The following MKX variants were observed in gnomAD, a reference collection of about 807,000 sequenced individuals.
MKX encodes the protein mohawk homeobox.
In MKX, 13 loss-of-function variants were observed where a neutral mutation model predicts 36.0. That is an observed-to-expected ratio of 0.36 (90% CI 0.24 to 0.57). MKX has a LOEUF of 0.57. Among genes scored for constraint, MKX ranks in the 20% least tolerant of loss-of-function variants. The probability of loss-of-function intolerance (pLI) is 0.79; values close to 1 mark genes in which losing one functional copy is unlikely to be tolerated. For synonymous variants in MKX, 176 were observed against 178.3 expected, an observed-to-expected ratio of 0.99 and a Z score of 0.10; for missense variants, 458 against 456.4, an observed-to-expected ratio of 1.00 and a Z score of -0.03.
intron 5 of MKX, among the ~76,000 whole-genome samples, chr10:27,697,654 C>A (rs1217223195): frequency 6.6e-6 from 1 of 152,180 alleles, no homozygotes; most frequent in African/African-American, 2.4e-5. Context: ...TTTACTTATT[C>A]ACAGGTTCAT....
chr10:27,713,267 G>T (rs565157648), intron 5 of MKX, among the ~76,000 whole-genome samples: 1 of 152,178 alleles, frequency 6.6e-6, no homozygotes, highest in Non-Finnish European at 1.5e-5. Context: ...TAGATCAAAA[G>T]GATCAGAGAT....
chr10:27,722,620 A>G (rs1280990762), intron 5 of MKX, among the ~76,000 whole-genome samples: 1 of 152,190 alleles, frequency 6.6e-6, no homozygotes, highest in Non-Finnish European at 1.5e-5. Context: ...TCCACATTAT[A>G]GCTTCCTGTG....
chr10:27,714,072 A>C (rs529211877), intron 5 of MKX, among the ~76,000 whole-genome samples: 5 of 151,670 alleles, frequency 3.3e-5, no homozygotes, highest in Admixed American at 2.6e-4. Context: ...CAGGCATGAC[A>C]TTTGATCTGA....
intron 5 of MKX, among the ~76,000 whole-genome samples, chr10:27,698,151 G>A (rs541956670): frequency 6.6e-6 from 1 of 152,278 alleles, no homozygotes; most frequent in African/African-American, 2.4e-5. Context: ...TTTTGTTTGA[G>A]CTGAAATAAA....
In MKX at chr10:27,705,818, C is replaced by A. The variant is rs1836738163; in HGVS notation, c.838+28638G>T. 2.0e-5 allele frequency among the ~76,000 whole-genome samples: 3 copies of A among 152,126 alleles called. No homozygotes were observed. In the South Asian group the frequency reaches 6.2e-4, roughly 32 times the overall value. On this transcript the variant is annotated intron_variant, in intron 5 of 6. Coordinates refer to ENST00000419761, the MANE Select transcript of MKX (RefSeq NM_173576.3). Reference sequence around the variant, plus strand: ...ACAAATAATTCTAGCCTATTAGCAGCCTGTATGATCTGAAATCGTTTTGAT... The same window carrying A: ...ACAAATAATTCTAGCCTATTAGCAGACTGTATGATCTGAAATCGTTTTGAT...
In MKX at chr10:27,674,569, T is replaced by A. The variant is rs1466680381; in HGVS notation, c.*660A>T. On this transcript the variant is annotated 3_prime_UTR_variant, in exon 7 of 7. Transcript: ENST00000419761. Reference sequence around the variant, plus strand: ...TGAAAAAAAGTTTTCCTGGTCACCATGTGTTCAATGAAATTTTAAATTAGC... The same window carrying A: ...TGAAAAAAAGTTTTCCTGGTCACCAAGTGTTCAATGAAATTTTAAATTAGC... The A allele has an allele frequency of 6.6e-6, 1 of 152,078 alleles. No homozygotes were observed. The highest frequency in any genetic ancestry group is 1.5e-5 in the Non-Finnish European group (1 of 67,952). The allele number at this position is 152,078 out of a possible 1,614,324, so 9.4% of individuals were successfully genotyped here.
chr10:27,726,459 C>CT (rs1834490757), intron 5 of MKX, among the ~76,000 whole-genome samples: 2 of 152,122 alleles, frequency 1.3e-5, no homozygotes, highest in African/African-American at 4.8e-5. Flanking sequence ...TAGTATGCTA[C>CT]TAGGTAAACA....
chr10:27,738,542 T>C (rs80041971), intron 3 of MKX, among the ~76,000 whole-genome samples: 1 of 152,166 alleles, frequency 6.6e-6, no homozygotes, highest in Non-Finnish European at 1.5e-5. Flanking sequence ...CGTATAGATG[T>C]TTGGGCCTCT....
At chr10:27,734,909 A>G (rs946702390) in intron 4 of MKX, 118 bp from the exon 5 acceptor site, 8 of 600,816 alleles carry the variant, frequency 1.3e-5, no homozygotes, top group Admixed American at 4.0e-5. Context: ...ATATAAAATT[A>G]TCTTTGATAG....
chr10:27,674,391 A>C lies in MKX; in HGVS notation c.*838T>G, dbSNP rs1836103354. 6.6e-6 allele frequency: 1 copy of C among 152,662 alleles called. No homozygotes were observed. The highest frequency in any genetic ancestry group is 2.4e-5 in the African/African-American group (1 of 41,454). The allele number at this position is 152,662 out of a possible 1,614,324, so 9.5% of individuals were successfully genotyped here. Reference sequence around the variant, plus strand: ...ACAAAAAGACAGTGAGCTCTAATGCAAACAGGATTATGTTTTAAAACTACA... The same window carrying C: ...ACAAAAAGACAGTGAGCTCTAATGCCAACAGGATTATGTTTTAAAACTACA... On this transcript the variant is annotated 3_prime_UTR_variant, in exon 7 of 7. Transcript: ENST00000419761.
intron 5 of MKX, among the ~76,000 whole-genome samples, chr10:27,692,459 T>C (rs2132511713): frequency 6.6e-6 from 1 of 152,374 alleles, no homozygotes; most frequent in East Asian, 1.9e-4. Flanking sequence ...TTCTTCTAAC[T>C]GGAATAGCCA....
In MKX at chr10:27,734,740, G is replaced by A. The variant is rs774497750; in HGVS notation, c.554C>T (p.Pro185Leu). 1.9e-6 allele frequency: 3 copies of A among 1,614,064 alleles called. No homozygotes were observed. Among genetic ancestry groups the A allele is most frequent in the South Asian group, 2.2e-5 (2 of 91,062 alleles). Residue 185 changes from proline (P) to leucine (L), a missense_variant, in exon 5 of 7, where the codon CCA (proline) becomes CTA (leucine). Pro to Leu is a moderately conservative substitution (Grantham distance 98). Coordinates refer to ENST00000419761, the MANE Select transcript of MKX (RefSeq NM_173576.3). ...ACTTTTAATCACAGGATGGTGAACT[G>A]GGGTATTATAGCCCCCTTCGTTCAT... ...THMNEGGYNT[P>L]VHHPVIKSEN...
chr10:27,688,289 C>T (rs998572408), intron 5 of MKX, among the ~76,000 whole-genome samples: 4 of 152,022 alleles, frequency 2.6e-5, no homozygotes, highest in East Asian at 1.9e-4. Context: ...TAGTGTTATT[C>T]GATGATTTAA....
Position 27,673,120 on chromosome 10 carries a change from T to C in MKX, c.*2109A>G, listed in dbSNP as rs1836080036. ...AAAGAAAAAATAAATTAAAAAGTCATTGCAATTGGAGATATTACCAAGGAT... is the reference window on the plus strand; with the variant it reads ...AAAGAAAAAATAAATTAAAAAGTCACTGCAATTGGAGATATTACCAAGGAT... On this transcript the variant is annotated 3_prime_UTR_variant, in exon 7 of 7. Transcript: ENST00000419761. 6.6e-6 allele frequency: 1 copy of C among 152,162 alleles called. No homozygotes were observed. The highest frequency in any genetic ancestry group is 6.6e-5 in the Admixed American group (1 of 15,264). The allele number at this position is 152,162 out of a possible 1,614,324, so 9.4% of individuals were successfully genotyped here.
At chr10:27,726,166 C>G (rs1834484491) in intron 5 of MKX, among the ~76,000 whole-genome samples, 2 of 152,050 alleles carry the variant, frequency 1.3e-5, no homozygotes, top group Non-Finnish European at 2.9e-5. Flanking sequence ...ACAGAGAATG[C>G]CTTTGTAAGA....
rs541066082 is a variant in MKX, at chr10:27,673,583, T to C, written c.*1646A>G. On this transcript the variant is annotated 3_prime_UTR_variant, in exon 7 of 7. Transcript: ENST00000419761. ...CATCTGATCATACAGTCATAACTTA[T>C]ATATTTTGCTTTGCGCTTACTGTTA... The C allele has an allele frequency of 2.6e-4, 40 of 152,698 alleles. No homozygotes were observed. The highest frequency in any genetic ancestry group is 8.7e-4 in the African/African-American group (36 of 41,578). 9.5% of individuals were successfully genotyped at this position (152,698 alleles called of 1,614,324 possible).
intron 5 of MKX, among the ~76,000 whole-genome samples, chr10:27,714,066 C>T (rs963827913): frequency 1.4e-5 from 2 of 146,342 alleles, no homozygotes; most frequent in African/African-American, 5.0e-5. Flanking sequence ...TGGCAACAGG[C>T]ATGACATTTG....
chr10:27,742,402 G>C lies in MKX; in HGVS notation c.188+826C>G, dbSNP rs1834920960. Among the ~76,000 whole-genome samples the C allele has an allele frequency of 1.3e-5, 2 of 152,160 alleles. No individual in the cohort carries two copies. Among genetic ancestry groups the C allele is most frequent in the Admixed American group, 6.5e-5 (1 of 15,288 alleles). ...AACACTTTGAAATGCAATTCCACCC[G>C]AAACGACTGGTAGTAACATTTTGAC... On this transcript the variant is annotated intron_variant, in intron 2 of 6. Coordinates refer to ENST00000419761, the MANE Select transcript of MKX (RefSeq NM_173576.3). This position sits in a 1 kb window ranked among gnomAD's most constrained non-coding sequence, Gnocchi z 4.2.
intron 3 of MKX, among the ~76,000 whole-genome samples, chr10:27,738,846 T>C (rs1834833375): frequency 6.6e-6 from 1 of 152,060 alleles, no homozygotes; most frequent in Admixed American, 6.5e-5. Flanking sequence ...ACTGAAATAT[T>C]GAGCACTTCA....
Sources: allele counts gnomAD v4.1 joint callset (sites outside exome capture counted in the v4.1 genomes callset), GRCh38; gene constraint gnomAD v4.1.1; non-coding constraint Gnocchi (gnomAD v3.1); transcripts MANE v1.5; gene names NCBI Gene and HGNC (gene_info 2026-07-23, HGNC 2026-07-21).